The following NEGR1 variants were observed in gnomAD, a reference collection of about 807,000 sequenced individuals.
NEGR1 encodes the protein neuronal growth regulator 1.
In NEGR1, 10 loss-of-function variants were observed where a neutral mutation model predicts 40.9. The observed-to-expected ratio is 0.24, with a 90% confidence interval of 0.15 to 0.42. NEGR1 has a LOEUF of 0.42. Among genes scored for constraint, NEGR1 ranks in the 10% least tolerant of loss-of-function variants. NEGR1 has a pLI of 1.00. For synonymous variants in NEGR1, 185 were observed against 166.8 expected, an observed-to-expected ratio of 1.11 and a Z score of -0.84; for missense variants, 352 against 438.9, an observed-to-expected ratio of 0.80 and a Z score of 1.77.
chr1:71,642,457 AAG>A (rs1331962438), intron 4 of NEGR1, among the ~76,000 whole-genome samples: 1 of 151,850 alleles, frequency 6.6e-6, no homozygotes, highest in African/African-American at 2.4e-5. Flanking sequence ...GGGAGAGAAA[AAG>A]AGAGAATAGA....
chr1:71,851,209 G>T (rs574975765), intron 2 of NEGR1, among the ~76,000 whole-genome samples: 1 of 152,188 alleles, frequency 6.6e-6, no homozygotes, highest in South Asian at 2.1e-4. Flanking sequence ...TGTTACCAGG[G>T]GAATTGGTTT....
At chr1:71,707,148 A>C (rs775981533) in intron 3 of NEGR1, among the ~76,000 whole-genome samples, 1 of 152,084 alleles carries the variant, frequency 6.6e-6, no homozygotes, top group Admixed American at 6.5e-5. Context: ...TTTGTTTTGC[A>C]CTTTGGGTCC....
At chr1:71,997,164 C>T (rs1473351793) in intron 1 of NEGR1, among the ~76,000 whole-genome samples, 1 of 152,050 alleles carries the variant, frequency 6.6e-6, no homozygotes, top group Non-Finnish European at 1.5e-5. Context: ...ATTCAAAATT[C>T]AACATGACTA....
chr1:72,207,154 G>A (rs1653435575), intron 1 of NEGR1, among the ~76,000 whole-genome samples: 1 of 147,418 alleles, frequency 6.8e-6, no homozygotes, highest in Admixed American at 6.8e-5. Flanking sequence ...TGTGAAAAAA[G>A]AAAAGTTAAA....
chr1:71,984,911 C>A (rs1417106318), intron 1 of NEGR1, among the ~76,000 whole-genome samples: 1 of 151,950 alleles, frequency 6.6e-6, no homozygotes, highest in Non-Finnish European at 1.5e-5. Context: ...ATGAACCGAG[C>A]ATAATTTTAA....
chr1:72,152,554 T>C (rs956337441), intron 1 of NEGR1, among the ~76,000 whole-genome samples: 24 of 152,142 alleles, frequency 1.6e-4, no homozygotes, highest in African/African-American at 5.5e-4. Flanking sequence ...TCCACCACTG[T>C]GGAAAGCAAT....
chr1:72,085,290 T>C (rs1055315681), intron 1 of NEGR1, among the ~76,000 whole-genome samples: 1 of 152,208 alleles, frequency 6.6e-6, no homozygotes, highest in Non-Finnish European at 1.5e-5. Flanking sequence ...TGGGAAGGTT[T>C]AGTTCTGCAG....
chr1:72,094,756 T>C (rs553862796), intron 1 of NEGR1, among the ~76,000 whole-genome samples: 1 of 152,314 alleles, frequency 6.6e-6, no homozygotes, highest in African/African-American at 2.4e-5. Flanking sequence ...AAAATAAAGT[T>C]CTCCTTTTGC....
chr1:72,107,169 G>C (rs930241874), intron 1 of NEGR1, among the ~76,000 whole-genome samples: 1 of 151,614 alleles, frequency 6.6e-6, no homozygotes, highest in Admixed American at 6.6e-5. Flanking sequence ...TAACAGAGGA[G>C]GGAAATGAAC....
At chr1:71,485,979 T>A (rs1557542566) in intron 6 of NEGR1, among the ~76,000 whole-genome samples, 2 of 151,632 alleles carry the variant, frequency 1.3e-5, no homozygotes, top group Non-Finnish European at 1.5e-5. Flanking sequence ...CTGGATCATA[T>A]GTTTAGTTTT....
chr1:72,009,044 T>C (rs1247885227), intron 1 of NEGR1, among the ~76,000 whole-genome samples: 1 of 151,636 alleles, frequency 6.6e-6, no homozygotes, highest in African/African-American at 2.4e-5. Context: ...GGAGTGATCA[T>C]ATCTCATATT....
At chr1:72,006,712 G>A (rs1646610125) in intron 1 of NEGR1, among the ~76,000 whole-genome samples, 1 of 151,838 alleles carries the variant, frequency 6.6e-6, no homozygotes, top group Non-Finnish European at 1.5e-5. Context: ...TAAATAATGT[G>A]AAGGTAAATC....
chr1:71,547,262 T>C (rs1208423991), intron 6 of NEGR1, among the ~76,000 whole-genome samples: 1 of 151,792 alleles, frequency 6.6e-6, no homozygotes, highest in Non-Finnish European at 1.5e-5. Flanking sequence ...CAATAGTCCC[T>C]TCCCTTGTTG....
chr1:71,554,357 A>G (rs1192668376), intron 6 of NEGR1, among the ~76,000 whole-genome samples: 1 of 151,504 alleles, frequency 6.6e-6, no homozygotes, highest in African/African-American at 2.4e-5. Flanking sequence ...AGAATGGAAT[A>G]TTAGTGTAAA....
chr1:71,844,692 C>A (rs1256332629), intron 2 of NEGR1, among the ~76,000 whole-genome samples: 1 of 152,184 alleles, frequency 6.6e-6, no homozygotes, highest in East Asian at 1.9e-4. Flanking sequence ...ACGCCTCAGG[C>A]TTGATAAGAA....
intron 6 of NEGR1, among the ~76,000 whole-genome samples, chr1:71,440,566 T>C (rs1170912974): frequency 6.6e-6 from 1 of 152,218 alleles, no homozygotes; most frequent in African/African-American, 2.4e-5. Context: ...AAGGATTCTA[T>C]TCAGGAAAGG....
At chr1:71,545,420 C>T (rs923410437) in intron 6 of NEGR1, among the ~76,000 whole-genome samples, 2 of 151,642 alleles carry the variant, frequency 1.3e-5, no homozygotes, top group Admixed American at 6.6e-5. Context: ...TGATTAAACT[C>T]CTTTGGAAGC....
intron 2 of NEGR1, among the ~76,000 whole-genome samples, chr1:71,874,396 T>C (rs1359875959): frequency 1.3e-5 from 2 of 152,142 alleles, no homozygotes; most frequent in African/African-American, 2.4e-5. Flanking sequence ...AAAATAGTAA[T>C]GGTACATATT....
chr1:71,638,987 A>G (rs1339512446), intron 4 of NEGR1, among the ~76,000 whole-genome samples: 3 of 151,930 alleles, frequency 2.0e-5, no homozygotes, highest in African/African-American at 7.2e-5. Context: ...GAAGAATAAA[A>G]TAAAATAAAA....
Sources: gnomAD v4.1 joint callset for allele counts (sites outside exome capture counted in the v4.1 genomes callset) on GRCh38, gnomAD v4.1.1 for gene constraint, MANE v1.5 for transcripts, NCBI Gene and HGNC (gene_info 2026-07-23, HGNC 2026-07-21) for gene names.